Variants in STXBP5 observed in about 807,000 individuals in gnomAD.
STXBP5 encodes the protein syntaxin binding protein 5, also known as syntaxin-binding protein 5.
In STXBP5, 50 loss-of-function variants were observed where a neutral mutation model predicts 152.4. That is an observed-to-expected ratio of 0.33 (90% CI 0.26 to 0.42). The LOEUF is 0.42. Ranked by LOEUF, STXBP5 falls within the 10% of genes least tolerant of loss-of-function variation. STXBP5 has a pLI of 1.00. For missense variants in STXBP5, 1,167 were observed against 1,388.6 expected (o/e 0.84, Z 2.54); for synonymous variants, 492 against 494.7 (o/e 0.99, Z 0.07).
intron 26 of STXBP5, among the ~76,000 whole-genome samples, chr6:147,382,192 T>C (rs1786120126): frequency 6.6e-6 from 1 of 152,050 alleles, no homozygotes; most frequent in African/African-American, 2.4e-5. Flanking sequence ...AATCGCAAGG[T>C]CTTTTGATGG....
At chr6:147,265,227 A>G (rs1388892320) in intron 6 of STXBP5, among the ~76,000 whole-genome samples, 1 of 152,078 alleles carries the variant, frequency 6.6e-6, no homozygotes. Context: ...AATTGACTGT[A>G]TTCTGTACTA....
chr6:147,237,645 A>G (rs1267725747), intron 3 of STXBP5, among the ~76,000 whole-genome samples: 1 of 152,138 alleles, frequency 6.6e-6, no homozygotes. Context: ...GACTTTATGT[A>G]TTTCTGCTTT....
intron 23 of STXBP5, among the ~76,000 whole-genome samples, chr6:147,360,220 AT>A (rs1205938112): frequency 1.3e-5 from 2 of 152,118 alleles, no homozygotes; most frequent in African/African-American, 2.4e-5. Context: ...TAGTTCAACC[AT>A]TGTGGAAGTC....
chr6:147,218,471 C>G (rs1254611549), intron 2 of STXBP5, among the ~76,000 whole-genome samples: 2 of 151,774 alleles, frequency 1.3e-5, no homozygotes, highest in Non-Finnish European at 2.9e-5. Flanking sequence ...AAATGAATGA[C>G]TATGTTTTTT....
intron 11 of STXBP5, 21 bp from the exon 12 acceptor site, chr6:147,313,863 T>G (rs1393458114): frequency 4.1e-6 from 6 of 1,452,424 alleles, no homozygotes; most frequent in Non-Finnish European, 5.6e-6. Context: ...AATAAATACT[T>G]TTCTTTTTCT....
chr6:147,308,559 C>G (rs879681274), intron 9 of STXBP5, among the ~76,000 whole-genome samples: 2 of 151,950 alleles, frequency 1.3e-5, no homozygotes, highest in African/African-American at 2.4e-5. Context: ...AAAACCACTG[C>G]CCTCATGAAG....
At chr6:147,261,227 A>T (rs1436585268) in intron 5 of STXBP5, among the ~76,000 whole-genome samples, 1 of 152,074 alleles carries the variant, frequency 6.6e-6, no homozygotes, top group African/African-American at 2.4e-5. Flanking sequence ...GTTTGATTTT[A>T]CTTAATTTTG....
intron 25 of STXBP5, among the ~76,000 whole-genome samples, chr6:147,368,937 T>A (rs923326218): frequency 3.3e-5 from 5 of 151,826 alleles, no homozygotes; most frequent in South Asian, 2.1e-4. Context: ...TAATAAAAAA[T>A]TTTTTAAAGT....
Position 147,313,830 on chromosome 6 carries a change from C to T in STXBP5, c.1146-54C>T. ...TTAAAGTTTTTATTTTTGTATTAAT[C>T]ATATGGTATAATTCATTAAATTAAT... On this transcript the variant is annotated intron_variant, in intron 11 of 27. Coordinates refer to ENST00000321680, the MANE Select transcript of STXBP5 (RefSeq NM_001127715.4). 2.6e-6 allele frequency: 3 copies of T among 1,156,366 alleles called. 1 individual carries two copies. Among genetic ancestry groups the T allele is most frequent in the Non-Finnish European group, 3.5e-6 (3 of 845,948 alleles). 71.6% of individuals were successfully genotyped at this position (1,156,366 alleles called of 1,614,324 possible).
At chr6:147,212,943 T>G (rs1344733438) in intron 2 of STXBP5, among the ~76,000 whole-genome samples, 2 of 152,216 alleles carry the variant, frequency 1.3e-5, no homozygotes, top group East Asian at 1.9e-4. Context: ...AAAATTCACC[T>G]TCTTCCTTGG....
At chr6:147,367,832 C>T (rs1785363781) in intron 25 of STXBP5, among the ~76,000 whole-genome samples, 1 of 151,830 alleles carries the variant, frequency 6.6e-6, no homozygotes, top group South Asian at 2.1e-4. Context: ...AGAGAAGTCT[C>T]ATTACTATAT....
At chr6:147,324,248 G>T (rs1783090255) in intron 16 of STXBP5, among the ~76,000 whole-genome samples, 1 of 128,338 alleles carries the variant, frequency 7.8e-6, no homozygotes, top group Non-Finnish European at 1.7e-5. Flanking sequence ...TTTAAGTTTT[G>T]TGGGGTTTTT....
chr6:147,363,226 T>C (rs1339874783), intron 23 of STXBP5, 109 bp from the exon 24 acceptor site: 36 of 1,167,236 alleles, frequency 3.1e-5, no homozygotes, highest in Non-Finnish European at 4.1e-5. Flanking sequence ...TTCAGTTCAA[T>C]ATGCGTTCAG....
chr6:147,384,672 C>A (rs374788315), intron 27 of STXBP5, 42 bp from the exon 28 acceptor site: 1 of 1,572,572 alleles, frequency 6.4e-7, no homozygotes, highest in African/African-American at 1.4e-5. Context: ...GTTATTGTTC[C>A]GGCATTTTAA....
At chr6:147,326,129 A>G (rs1783243900) in intron 17 of STXBP5, among the ~76,000 whole-genome samples, 2 of 152,186 alleles carry the variant, frequency 1.3e-5, no homozygotes, top group Admixed American at 1.3e-4. Context: ...ACTGTACATC[A>G]AACTAACACT....
At chr6:147,354,415 A>G (rs896051967) in intron 22 of STXBP5, among the ~76,000 whole-genome samples, 8 of 152,058 alleles carry the variant, frequency 5.3e-5, no homozygotes, top group Admixed American at 2.0e-4. Context: ...AGAGTTAATC[A>G]TAGAATATAG....
chr6:147,297,890 A>G (rs1173711196), intron 9 of STXBP5, among the ~76,000 whole-genome samples: 1 of 152,080 alleles, frequency 6.6e-6, no homozygotes, highest in Non-Finnish European at 1.5e-5. Context: ...AGGAATCAAA[A>G]CTTAGTACCA....
At chr6:147,281,231 T>C (rs1780685055) in intron 8 of STXBP5, among the ~76,000 whole-genome samples, 1 of 152,084 alleles carries the variant, frequency 6.6e-6, no homozygotes, top group South Asian at 2.1e-4. Context: ...TAATTTTTTG[T>C]ATTTTTAGTA....
intron 27 of STXBP5, among the ~76,000 whole-genome samples, chr6:147,384,432 A>T (rs967171633): frequency 2.0e-5 from 3 of 152,124 alleles, no homozygotes; most frequent in African/African-American, 7.2e-5. Flanking sequence ...TTCATAGTAC[A>T]AAATAAAAAT....
Sources: gnomAD v4.1 joint callset for allele counts (sites outside exome capture counted in the v4.1 genomes callset) on GRCh38, gnomAD v4.1.1 for gene constraint, MANE v1.5 for transcripts, NCBI Gene and HGNC (gene_info 2026-07-23, HGNC 2026-07-21) for gene names.